ATP7A: variants seen among roughly 807,000 people sequenced by gnomAD.
The protein encoded by ATP7A is ATPase copper transporting alpha, also known as copper-transporting ATPase 1.
A neutral mutation model predicts 83.5 loss-of-function variants in ATP7A; 7 were observed. That is an observed-to-expected ratio of 0.08 (90% confidence interval 0.05 to 0.16). ATP7A has a LOEUF of 0.16. Ranked by LOEUF, ATP7A falls within the 10% of genes least tolerant of loss-of-function variation. The pLI, the probability that ATP7A is intolerant of heterozygous loss-of-function variation, is 1.00. For missense variants in ATP7A, 940 were observed against 1,120.8 expected (o/e 0.84, Z 2.30); for synonymous variants, 354 against 395.2 (o/e 0.90, Z 1.24).
intron 11 of ATP7A, among the ~76,000 whole-genome samples, chrX:78,015,362 A>G (rs1469909514): frequency 2.7e-5 from 3 of 111,922 alleles, no homozygotes; most frequent in African/African-American, 6.5e-5. Flanking sequence ...TATAACTCCT[A>G]TGTTACTTGT....
At chrX:77,951,675 G>A (rs1285963167) in intron 1 of ATP7A, among the ~76,000 whole-genome samples, 2 of 109,780 alleles carry the variant, frequency 1.8e-5, no homozygotes, top group East Asian at 2.8e-4. Context: ...TGCCTCCCAG[G>A]TTCAAGTGAT....
At chrX:77,986,395 A>C (rs2077636917) in intron 2 of ATP7A, among the ~76,000 whole-genome samples, 1 of 112,664 alleles carries the variant, frequency 8.9e-6, no homozygotes, top group African/African-American at 3.2e-5. Flanking sequence ...TTGAGTTTTT[A>C]TTTTATAGAG....
In ATP7A at chrX:78,012,953, G is replaced by C; in HGVS notation, c.2247G>C (p.Leu749=). Residue 749 remains leucine (L), a synonymous_variant, in exon 10 of 23, where the codon CTG becomes CTC. Transcript: ENST00000341514. ...LKHKTANMDV[L]IVLATTIAFA... is the part of the protein sequence containing the mutation. Reference sequence around the variant, plus strand: ...ATAAGACAGCAAATATGGACGTACTGATTGTGCTGGCAACCACCATTGCAT... The same window carrying C: ...ATAAGACAGCAAATATGGACGTACTCATTGTGCTGGCAACCACCATTGCAT... 8.3e-7 allele frequency: 1 copy of C among 1,211,482 alleles called. No individual in the cohort carries two copies. The highest frequency in any genetic ancestry group is 1.8e-5 in the South Asian group (1 of 56,978).
Position 78,048,553 on chromosome X carries a change from A to G in ATP7A, c.*1983A>G, listed in dbSNP as rs1431323886. On this transcript the variant is annotated 3_prime_UTR_variant, in exon 23 of 23. Transcript: ENST00000341514. Reference sequence around the variant, plus strand: ...CATGCAAAGTTTACAACCTTATTCCATGCTGTCTTTCAGATTTAGAAAAGA... The same window carrying G: ...CATGCAAAGTTTACAACCTTATTCCGTGCTGTCTTTCAGATTTAGAAAAGA... 9.0e-6 allele frequency: 1 copy of G among 111,656 alleles called. No homozygotes were observed. The highest frequency in any genetic ancestry group is 1.9e-5 in the Non-Finnish European group (1 of 53,059). 9.2% of individuals were successfully genotyped at this position (111,656 alleles called of 1,213,427 possible). A position where few individuals can be genotyped will look rare whatever the true frequency, so the allele number is the denominator to read the frequency against.
chrX:78,038,178 A>G (rs1436869843), intron 17 of ATP7A, among the ~76,000 whole-genome samples: 2 of 108,487 alleles, frequency 1.8e-5, no homozygotes, highest in African/African-American at 6.7e-5. Context: ...AAGGGAAGCT[A>G]GATACACAGA....
chrX:78,005,492 G>A (rs1218348657), intron 6 of ATP7A, among the ~76,000 whole-genome samples: 23 of 109,099 alleles, frequency 2.1e-4, no homozygotes, highest in African/African-American at 7.0e-4. Flanking sequence ...GACCACCCTC[G>A]CCAACATGGT....
intron 1 of ATP7A, among the ~76,000 whole-genome samples, chrX:77,949,142 G>A (rs1800500316): frequency 9.0e-6 from 1 of 111,332 alleles, no homozygotes; most frequent in East Asian, 2.8e-4. Context: ...CTGCCACCTT[G>A]GCCTCCCAAA....
rs1248596770 is a variant in ATP7A at position 78,049,991 on chromosome X, T to A, written c.*3421T>A. The stretch of plus-strand genomic sequence containing the variant: ...TTGTTTTGTTTCTTTTCTACATTTT[T>A]AAGTATTATTTTACAAAATAGAAAA... On this transcript the variant is annotated 3_prime_UTR_variant, in exon 23 of 23. Transcript: ENST00000341514. 2 of 112,384 alleles carry A rather than the reference T, an allele frequency of 1.8e-5. No individual in the cohort carries two copies. Among genetic ancestry groups the A allele is most frequent in the Non-Finnish European group, 3.8e-5 (2 of 53,205 alleles). The allele number at this position is 112,384 out of a possible 1,213,427, so 9.3% of individuals were successfully genotyped here.
At chrX:78,007,190 A>G (rs2077781640) in intron 6 of ATP7A, among the ~76,000 whole-genome samples, 1 of 112,338 alleles carries the variant, frequency 8.9e-6, no homozygotes, top group Non-Finnish European at 1.9e-5. Flanking sequence ...CCTTTTTATT[A>G]TAGCTATCCC....
intron 5 of ATP7A, among the ~76,000 whole-genome samples, chrX:77,999,633 G>T (rs1569549710): frequency 9.0e-6 from 1 of 111,697 alleles, no homozygotes; most frequent in Non-Finnish European, 1.9e-5. Flanking sequence ...GCCAGGCACG[G>T]TGACTCACAC....
chrX:77,977,122 T>G (rs2149076815), intron 2 of ATP7A, among the ~76,000 whole-genome samples: 1 of 112,472 alleles, frequency 8.9e-6, no homozygotes, highest in East Asian at 2.8e-4. Flanking sequence ...TAGGCATATT[T>G]TGCAGTTTGT....
chrX:77,918,590 A>G (rs2077195934), intron 1 of ATP7A, among the ~76,000 whole-genome samples: 1 of 111,066 alleles, frequency 9.0e-6, no homozygotes, highest in East Asian at 2.8e-4. Flanking sequence ...TCCTTTCCCA[A>G]TGGGAATCTT....
At chrX:78,011,012 CAA>C (rs782570117) in intron 7 of ATP7A, among the ~76,000 whole-genome samples, 162 bp from the exon 8 acceptor site, 42 of 111,886 alleles carry the variant, frequency 3.8e-4, no homozygotes, top group Non-Finnish European at 6.6e-4. Flanking sequence ...AGATTGGAAA[CAA>C]ATGCAATCAA....
Position 78,048,181 on chromosome X carries a change from G to A in ATP7A, c.*1611G>A, listed in dbSNP as rs1472886034. The A allele has an allele frequency of 8.9e-6, 1 of 112,205 alleles. No individual in the cohort carries two copies. The highest frequency in any genetic ancestry group is 9.5e-5 in the Admixed American group (1 of 10,501). 9.2% of individuals were successfully genotyped at this position (112,205 alleles called of 1,213,427 possible). ...CAAATGGATTTAGAAATTCCCTTGTGAGTGCCTGGTAGCTAATACACTGGT... is the reference window on the plus strand; with the variant it reads ...CAAATGGATTTAGAAATTCCCTTGTAAGTGCCTGGTAGCTAATACACTGGT... On this transcript the variant is annotated 3_prime_UTR_variant, in exon 23 of 23. Coordinates refer to ENST00000341514, the MANE Select transcript of ATP7A (RefSeq NM_000052.7).
At position 77,969,100 on chromosome X, in the gene ATP7A, C is replaced by T. The variant is rs782247462; in HGVS notation, c.-21-2521C>T. ...GTTGCCATGGGCTGCAATCAGTACA[C>T]GTTTCCCCTCCTTGATCTGGGGAAC... is the stretch of plus-strand genomic sequence containing the variant. On this transcript the variant is annotated intron_variant, in intron 1 of 22. Coordinates refer to ENST00000341514, the MANE Select transcript of ATP7A (RefSeq NM_000052.7). The T allele has an allele frequency of 3.1e-5, 38 of 1,210,067 alleles. No homozygotes were observed. The East Asian group carries it at 1.0e-3, about 32-fold the overall frequency.
rs1569549886 is a variant in ATP7A, at chrX:78,011,527, C to T, written c.2025C>T (p.Asp675=). 2 of 1,210,007 alleles carry T rather than the reference C, an allele frequency of 1.7e-6. No homozygotes were observed. Among genetic ancestry groups the T allele is most frequent in the South Asian group, 1.8e-5 (1 of 56,910 alleles). The part of the protein sequence containing the change: ...MGLMIYMMVM[D]HHFATLHHNQ... ...TGATGATATATATGATGGTTATGGA[C>T]CACCACTTTGCAACTCTTCACCATA... The change falls in exon 9 of 23, where the codon GAC becomes GAT. Residue 675 remains aspartate, a synonymous_variant. Transcript: ENST00000341514.
intron 11 of ATP7A, 44 bp from the exon 12 acceptor site, chrX:78,015,709 AG>A (rs1367159896): frequency 8.3e-7 from 1 of 1,206,168 alleles, no homozygotes; most frequent in African/African-American, 1.8e-5. Context: ...AGGTCAGGGT[AG>A]GAAGCATATT....
intron 2 of ATP7A, among the ~76,000 whole-genome samples, chrX:77,980,078 T>G (rs989397607): frequency 1.8e-5 from 2 of 112,431 alleles, no homozygotes; most frequent in Non-Finnish European, 3.7e-5. Flanking sequence ...TACTGAATGA[T>G]TCCAAAGGTT....
chrX:78,030,860 T>A (rs1474324743), intron 15 of ATP7A, among the ~76,000 whole-genome samples: 1 of 109,570 alleles, frequency 9.1e-6, no homozygotes. Flanking sequence ...CCCAGCTAAC[T>A]TTTTATTATT....
Sources: gnomAD v4.1 joint callset for allele counts (sites outside exome capture counted in the v4.1 genomes callset) on GRCh38, gnomAD v4.1.1 for gene constraint, MANE v1.5 for transcripts, NCBI Gene and HGNC (gene_info 2026-07-23, HGNC 2026-07-21) for gene names.